MLKL: variants seen among roughly 807,000 people sequenced by gnomAD.
MLKL encodes the protein mixed lineage kinase domain-like protein.
MLKL carries 55 observed loss-of-function variants against 56.5 expected under a neutral mutation model. The observed-to-expected ratio is 0.97, with a 90% CI of 0.78 to 1.22. The LOEUF (loss-of-function observed/expected upper bound fraction) is 1.22, where lower values mean the gene tolerates loss of function less well. Among genes scored for constraint, MLKL ranks in the 50% most tolerant of loss-of-function variants. The probability of loss-of-function intolerance (pLI) is 0.00; values close to 1 mark genes in which losing one functional copy is unlikely to be tolerated. For synonymous variants in MLKL, 251 were observed against 208.3 expected (o/e 1.20, Z -1.76); for missense variants, 694 against 573.9 (o/e 1.21, Z -2.14).
Position 74,695,641 on chromosome 16 carries a change from G to C in MLKL, c.117C>G (p.Ile39Met). ...GGTCCTGGAGCATCTCCAGAGGCTT[G>C]ATCAGGCCGAGGACGCGGTGGCCCA... is the stretch of plus-strand genomic sequence containing the variant. ...RRLGHRVLGLIKPLEMLQDQG... is the reference protein window; with the variant it reads ...RRLGHRVLGLMKPLEMLQDQG... Residue 39 changes from isoleucine to methionine, a missense_variant, in exon 2 of 11, where the codon ATC (isoleucine) becomes ATG (methionine). Ile to Met is a conservative substitution (Grantham distance 10, BLOSUM62 1). Coordinates refer to ENST00000308807, the MANE Select transcript of MLKL (RefSeq NM_152649.4). The C allele has an allele frequency of 6.2e-7, 1 of 1,614,180 alleles. No individual in the cohort carries two copies. Among genetic ancestry groups the C allele is most frequent in the Non-Finnish European group, 8.5e-7 (1 of 1,180,046 alleles).
In MLKL at chr16:74,675,037, T is replaced by G. The variant is rs190638372; in HGVS notation, c.1304A>C (p.Glu435Ala). The change falls in exon 10 of 11, where the codon GAA becomes GCA. Residue 435 changes from glutamate to alanine, a missense_variant. By Grantham distance (107) the Glu-to-Ala change is moderately radical. Coordinates refer to ENST00000308807, the MANE Select transcript of MLKL (RefSeq NM_152649.4). ...AVKRQQEPLG[E>A]DCPSELREII... ...CTCCCGCAGCTCTGAAGGGCAGTCTTCACCCAGTGGCTCCTGCTGCCGCTT... is the reference window on the plus strand; with the variant it reads ...CTCCCGCAGCTCTGAAGGGCAGTCTGCACCCAGTGGCTCCTGCTGCCGCTT... 1.9e-6 allele frequency: 3 copies of G among 1,614,186 alleles called. No individual in the cohort carries two copies. In the African/African-American group the frequency reaches 4.0e-5, roughly 22 times the overall value.
intron 4 of MLKL, 123 bp downstream of exon 4, chr16:74,691,154 G>C (rs1165530567): frequency 2.6e-5 from 21 of 814,094 alleles, no homozygotes; most frequent in Non-Finnish European, 3.9e-5. Flanking sequence ...ACAGTGGAGA[G>C]CACATAATTT....
intron 4 of MLKL, among the ~76,000 whole-genome samples, chr16:74,687,121 G>A (rs531424370): frequency 1.3e-4 from 19 of 151,860 alleles, no homozygotes; most frequent in Middle Eastern, 6.8e-3. Flanking sequence ...GATTACAGGC[G>A]CTTGCTACCA....
At chr16:74,694,166 A>G (rs1960875148) in intron 2 of MLKL, among the ~76,000 whole-genome samples, 1 of 152,220 alleles carries the variant, frequency 6.6e-6, no homozygotes. Flanking sequence ...CAACAACAAT[A>G]AAATATATAT....
chr16:74,691,159 T>C, intron 4 of MLKL, 118 bp downstream of exon 4: 1 of 891,152 alleles, frequency 1.1e-6, no homozygotes, highest in East Asian at 2.6e-5. Flanking sequence ...GGAGAGCACA[T>C]AATTTAACCC....
intron 4 of MLKL, among the ~76,000 whole-genome samples, chr16:74,688,827 A>G (rs1367474390): frequency 1.3e-5 from 2 of 152,358 alleles, no homozygotes; most frequent in East Asian, 3.9e-4. Flanking sequence ...TTAATGGATA[A>G]GTAGGATATC....
chr16:74,697,165 C>T (rs1028778736), intron 1 of MLKL, among the ~76,000 whole-genome samples: 1 of 151,428 alleles, frequency 6.6e-6, no homozygotes, highest in African/African-American at 2.4e-5. Context: ...GCAGTGCCAG[C>T]TTCCTACTCT....
Position 74,695,564 on chromosome 16 carries a change from A to C in MLKL, c.194T>G (p.Phe65Cys). ...SEKLTTAMNRFKAALEEANGE... is the reference protein window; with the variant it reads ...SEKLTTAMNRCKAALEEANGE... ...ATTAGCCTCCTCCAGGGCAGCCTTG[A>C]AGCGGTTCATGGCTGTGGTTAACTT... The change falls in exon 2 of 11, where the codon TTC (phenylalanine) becomes TGC (cysteine). Residue 65 changes from phenylalanine to cysteine, a missense_variant. Physicochemically the swap from Phe to Cys is radical, Grantham distance 205 (BLOSUM62 -2). Transcript: ENST00000308807. 4 of 1,614,156 alleles carry C rather than the reference A, an allele frequency of 2.5e-6. 1 individual carries two copies. In the South Asian group the frequency reaches 4.4e-5, roughly 18 times the overall value.
At position 74,691,066 on chromosome 16, in the gene MLKL, A is replaced by T. The variant is rs562944648; in HGVS notation, c.722+211T>A. Among the ~76,000 whole-genome samples the T allele has an allele frequency of 5.4e-3, 798 of 148,066 alleles. 3 individuals are homozygous for T. Among genetic ancestry groups the T allele is most frequent in the African/African-American group, 0.018 (709 of 39,922 alleles). On this transcript the variant is annotated intron_variant, in intron 4 of 10. Transcript: ENST00000308807. ...GAAGGGAAAGTTGTTTTTTTTTTTT[A>T]AATATATATGTGGACAAAGGAGAGA... is the stretch of plus-strand genomic sequence containing the variant.
Position 74,700,671 on chromosome 16 carries a change from C to T in MLKL, c.-221G>A, listed in dbSNP as rs1227774441. ...CACGTGGCTGGCGGCGACAAGGCGC[C>T]CCGATCCCTACCTGAGGGAAACCCC... On this transcript the variant is annotated 5_prime_UTR_variant, in exon 1 of 11. Coordinates refer to ENST00000308807, the MANE Select transcript of MLKL (RefSeq NM_152649.4). The T allele has an allele frequency of 1.3e-5, 2 of 152,470 alleles. No individual in the cohort carries two copies. The highest frequency in any genetic ancestry group is 2.9e-5 in the Non-Finnish European group (2 of 68,250). 9.4% of individuals were successfully genotyped at this position (152,470 alleles called of 1,614,324 possible).
At chr16:74,693,193 G>A (rs1174871753) in intron 2 of MLKL, among the ~76,000 whole-genome samples, 2 of 152,128 alleles carry the variant, frequency 1.3e-5, no homozygotes, top group Non-Finnish European at 2.9e-5. Context: ...GGTGGCTCAT[G>A]CCTGTAATCC....
chr16:74,676,563 G>C, intron 7 of MLKL: 1 of 742,210 alleles, frequency 1.3e-6, no homozygotes, highest in Non-Finnish European at 1.6e-6. Context: ...TACCAGGGAT[G>C]AAAGGTGGAA....
chr16:74,676,485 T>A (rs1335511409), intron 7 of MLKL: 1 of 984,718 alleles, frequency 1.0e-6, no homozygotes, highest in Non-Finnish European at 1.2e-6. Context: ...CTTTCATTCA[T>A]TCATTCATTC....
At chr16:74,687,229 G>C (rs1960386233) in intron 4 of MLKL, among the ~76,000 whole-genome samples, 1 of 152,144 alleles carries the variant, frequency 6.6e-6, no homozygotes, top group Non-Finnish European at 1.5e-5. Flanking sequence ...TCCTGCCTCA[G>C]CCTCCCAAAG....
chr16:74,676,391 G>T, intron 7 of MLKL: 6 of 985,442 alleles, frequency 6.1e-6, no homozygotes, highest in Non-Finnish European at 7.2e-6. Flanking sequence ...GTGTGCTGAA[G>T]GCTGCCAGCC....
intron 6 of MLKL, among the ~76,000 whole-genome samples, chr16:74,680,810 G>A (rs548961979): frequency 1.3e-5 from 2 of 151,826 alleles, no homozygotes; most frequent in Non-Finnish European, 2.9e-5. Flanking sequence ...CAGCCTTGGT[G>A]TTGGGTATCC....
At chr16:74,680,585 C>A (rs1959899233) in intron 6 of MLKL, among the ~76,000 whole-genome samples, 1 of 151,926 alleles carries the variant, frequency 6.6e-6, no homozygotes, top group African/African-American at 2.4e-5. Flanking sequence ...CAGCTCACTG[C>A]AACCTCTGCC....
intron 1 of MLKL, among the ~76,000 whole-genome samples, chr16:74,697,544 G>A (rs1367581323): frequency 6.6e-6 from 1 of 152,166 alleles, no homozygotes; most frequent in Non-Finnish European, 1.5e-5. Flanking sequence ...TCATTTAACA[G>A]ATGAAGATAC....
intron 7 of MLKL, chr16:74,676,539 A>G (rs1959605596): frequency 1.1e-6 from 1 of 910,828 alleles, no homozygotes; most frequent in South Asian, 5.1e-5. Flanking sequence ...TCTTACATCT[A>G]GCGCCGTATG....
Sources: allele counts gnomAD v4.1 joint callset (sites outside exome capture counted in the v4.1 genomes callset), GRCh38; gene constraint gnomAD v4.1.1; transcripts MANE v1.5; gene names NCBI Gene and HGNC (gene_info 2026-07-23, HGNC 2026-07-21).